CTIF: variants seen among roughly 807,000 people sequenced by gnomAD.
The protein encoded by CTIF is CBP80/20-dependent translation initiation factor.
Under a neutral mutation model 66.0 loss-of-function variants are expected in CTIF, and 21 were observed. The observed-to-expected ratio is 0.32, with a 90% CI of 0.23 to 0.46. The LOEUF is 0.46. Among genes scored for constraint, CTIF ranks in the 20% least tolerant of loss-of-function variants. The probability of loss-of-function intolerance (pLI) is 1.00; values close to 1 mark genes in which losing one functional copy is unlikely to be tolerated. For synonymous variants in CTIF, 345 were observed against 326.4 expected (o/e 1.06, Z -0.62); for missense variants, 739 against 812.7 (o/e 0.91, Z 1.10).
At chr18:48,836,415 T>A (rs1437276713) in intron 10 of CTIF, among the ~76,000 whole-genome samples, 1 of 152,096 alleles carries the variant, frequency 6.6e-6, no homozygotes, top group Non-Finnish European at 1.5e-5. Context: ...GGGTCACCAC[T>A]GGCATCTAGG....
intron 9 of CTIF, among the ~76,000 whole-genome samples, chr18:48,811,161 A>C (rs2068251249): frequency 6.6e-6 from 1 of 152,164 alleles, no homozygotes; most frequent in Admixed American, 6.5e-5. Context: ...AGTCACTACT[A>C]CTATAAAATT....
At chr18:48,645,294 T>C (rs1333380690) in intron 3 of CTIF, among the ~76,000 whole-genome samples, 22 of 36,432 alleles carry the variant, frequency 6.0e-4, no homozygotes, top group Middle Eastern at 0.019. Flanking sequence ...AAAAAAAAAA[T>C]CCCAATAAAA....
intron 3 of CTIF, among the ~76,000 whole-genome samples, chr18:48,646,932 CT>C (rs2091047675): frequency 7.2e-6 from 1 of 138,994 alleles, no homozygotes; most frequent in Admixed American, 7.2e-5. Context: ...AAAACGAAAC[CT>C]GCAAGTACCA....
chr18:48,681,512 C>A (rs575709108), intron 6 of CTIF, among the ~76,000 whole-genome samples: 7 of 152,322 alleles, frequency 4.6e-5, no homozygotes, highest in African/African-American at 1.4e-4. Context: ...CCATTACAGA[C>A]GAGGAAACTG....
At chr18:48,686,481 G>T (rs2091841647) in intron 6 of CTIF, among the ~76,000 whole-genome samples, 1 of 152,100 alleles carries the variant, frequency 6.6e-6, no homozygotes, top group African/African-American at 2.4e-5. Flanking sequence ...TTAATGAATG[G>T]TTCTTAGAAG....
At chr18:48,750,627 T>C (rs541513751) in intron 7 of CTIF, among the ~76,000 whole-genome samples, 2 of 152,300 alleles carry the variant, frequency 1.3e-5, no homozygotes, top group East Asian at 3.9e-4. Context: ...GTGGCTTCTG[T>C]GGTTTTCCCG....
intron 1 of CTIF, among the ~76,000 whole-genome samples, chr18:48,590,745 C>T (rs903509885): frequency 1.3e-5 from 2 of 152,354 alleles, no homozygotes; most frequent in East Asian, 1.9e-4. Context: ...ACATCCATTT[C>T]GGATGACTTC....
intron 9 of CTIF, among the ~76,000 whole-genome samples, chr18:48,794,562 A>G (rs1401587361): frequency 1.3e-5 from 2 of 152,306 alleles, no homozygotes; most frequent in African/African-American, 4.8e-5. Flanking sequence ...TCAGTAGCCA[A>G]CTGCCTGAGG....
chr18:48,729,824 G>C (rs1417317830), intron 7 of CTIF, among the ~76,000 whole-genome samples: 1 of 152,222 alleles, frequency 6.6e-6, no homozygotes, highest in Non-Finnish European at 1.5e-5. Flanking sequence ...CTCAGAAACG[G>C]AAATATTTTG....
In CTIF at chr18:48,613,176, C is replaced by T. The variant is rs866508344; in HGVS notation, c.-28-6362C>T. On this transcript the variant is annotated intron_variant, in intron 1 of 11. Transcript: ENST00000256413. ...TGGCTAAATTGATAGCTCCTCATGC[C>T]GTTTGTCACTGGGTGGGCAGGAAAG... is the stretch of plus-strand genomic sequence containing the variant. 1.2e-4 allele frequency among the ~76,000 whole-genome samples: 18 copies of T among 152,214 alleles called. 1 individual carries two copies. The highest frequency in any genetic ancestry group is 3.4e-3 in the Middle Eastern group (1 of 294).
At chr18:48,665,276 TG>T (rs1056555526) in intron 5 of CTIF, among the ~76,000 whole-genome samples, 3 of 152,162 alleles carry the variant, frequency 2.0e-5, no homozygotes, top group Non-Finnish European at 4.4e-5. Context: ...GGACCACACT[TG>T]GGGAGCAGCT....
chr18:48,721,751 C>T (rs2092338287), intron 7 of CTIF, among the ~76,000 whole-genome samples: 1 of 86,792 alleles, frequency 1.2e-5, no homozygotes, highest in Non-Finnish European at 2.3e-5. Flanking sequence ...GAACGTGCAT[C>T]CCCCCCTCTC....
Position 48,862,997 on chromosome 18 carries a change from G to T in CTIF, c.*3438G>T, listed in dbSNP as rs1290343027. On this transcript the variant is annotated 3_prime_UTR_variant, in exon 12 of 12. Coordinates refer to ENST00000256413, the MANE Select transcript of CTIF (RefSeq NM_014772.3). ...GAAGAAAGAAAGACAACTTTCCTCT[G>T]CGCGGAACACTCACACGGAAGGGCT... The T allele has an allele frequency of 1.3e-5, 2 of 152,296 alleles. No homozygotes were observed. The highest frequency in any genetic ancestry group is 4.8e-5 in the African/African-American group (2 of 41,466). The allele number at this position is 152,296 out of a possible 1,614,324, so 9.4% of individuals were successfully genotyped here.
At chr18:48,605,890 G>A (rs1387341587) in intron 1 of CTIF, among the ~76,000 whole-genome samples, 4 of 152,228 alleles carry the variant, frequency 2.6e-5, no homozygotes, top group African/African-American at 9.6e-5. Flanking sequence ...GTGGGTTCCT[G>A]ATGGAATTAA....
At chr18:48,553,410 G>A (rs142494325) in intron 1 of CTIF, among the ~76,000 whole-genome samples, 11 of 152,278 alleles carry the variant, frequency 7.2e-5, no homozygotes, top group East Asian at 5.8e-4. Flanking sequence ...TCCTGTTTCC[G>A]TTTGCCTTTA....
chr18:48,586,374 G>A (rs2089769307), intron 1 of CTIF, among the ~76,000 whole-genome samples: 2 of 151,212 alleles, frequency 1.3e-5, no homozygotes, highest in African/African-American at 2.4e-5. Context: ...TGATTCAAGC[G>A]ATTCTCCTGT....
chr18:48,667,284 A>G (rs2091453434), intron 5 of CTIF, among the ~76,000 whole-genome samples: 1 of 152,344 alleles, frequency 6.6e-6, no homozygotes, highest in Admixed American at 6.5e-5. Context: ...ATAAAGACAT[A>G]TATAGACAGG....
intron 3 of CTIF, among the ~76,000 whole-genome samples, chr18:48,645,827 C>T (rs543115938): frequency 7.2e-5 from 11 of 152,298 alleles, no homozygotes; most frequent in Non-Finnish European, 8.8e-5. Flanking sequence ...AGCACCCCTG[C>T]GGCGTCGGAG....
chr18:48,862,154 G>GC lies in CTIF; in HGVS notation c.*2599dup, dbSNP rs546826215. The GC allele has an allele frequency of 6.6e-6, 1 of 152,156 alleles. No homozygotes were observed. The highest frequency in any genetic ancestry group is 1.5e-5 in the Non-Finnish European group (1 of 68,040). 9.4% of individuals were successfully genotyped at this position (152,156 alleles called of 1,614,324 possible). On this transcript the variant is annotated 3_prime_UTR_variant, in exon 12 of 12. Coordinates refer to ENST00000256413, the MANE Select transcript of CTIF (RefSeq NM_014772.3). ...CAGGAACTGCAGGACAGAAGTGGAT[G>GC]CCCCACAGACCCTGGCCCCCTCCCC...
Sources: gnomAD v4.1 joint callset for allele counts (sites outside exome capture counted in the v4.1 genomes callset) on GRCh38, gnomAD v4.1.1 for gene constraint, MANE v1.5 for transcripts, NCBI Gene and HGNC (gene_info 2026-07-23, HGNC 2026-07-21) for gene names.